The following PCDHA4 variants were observed in gnomAD, a reference collection of about 807,000 sequenced individuals.
PCDHA4 encodes protocadherin alpha 4, also known as protocadherin alpha-4.
In PCDHA4, 49 loss-of-function variants were observed where a neutral mutation model predicts 61.4. The observed-to-expected ratio is 0.80, with a 90% CI of 0.63 to 1.01. The LOEUF (loss-of-function observed/expected upper bound fraction) is 1.01. Among genes scored for constraint, PCDHA4 ranks in the 50% least tolerant of loss-of-function variants. PCDHA4 has a pLI of 0.00. For synonymous variants in PCDHA4, 590 were observed against 550.3 expected, an observed-to-expected ratio of 1.07 and a Z score of -1.01; for missense variants, 1,254 against 1,235.8, an observed-to-expected ratio of 1.01 and a Z score of -0.22.
chr5:140,829,430 G>C (rs2150167719), intron 1 of PCDHA4: 5 of 1,614,092 alleles, frequency 3.1e-6, no homozygotes, highest in South Asian at 1.1e-5. Flanking sequence ...GGAGGTGGCC[G>C]ACATGAATGA....
intron 1 of PCDHA4, among the ~76,000 whole-genome samples, chr5:140,935,149 T>C (rs1241997966): frequency 6.6e-6 from 1 of 152,192 alleles, no homozygotes; most frequent in Admixed American, 6.5e-5. Context: ...CTTAGAGATA[T>C]AATCTCAACA....
At chr5:140,810,005 T>G (rs1764586388) in intron 1 of PCDHA4, 1 of 155,840 alleles carries the variant, frequency 6.4e-6, no homozygotes, top group Non-Finnish European at 1.4e-5. Flanking sequence ...ACTTCCCTTA[T>G]TTTTCCTCCA....
intron 1 of PCDHA4, chr5:140,871,513 C>T (rs1554165693): frequency 6.4e-7 from 1 of 1,574,300 alleles, no homozygotes; most frequent in South Asian, 1.2e-5. Context: ...TCTACAGATT[C>T]CACCTATCAG....
At chr5:141,005,574 T>C (rs567844252) in intron 3 of PCDHA4, among the ~76,000 whole-genome samples, 58 of 150,842 alleles carry the variant, frequency 3.8e-4, no homozygotes, top group Non-Finnish European at 7.5e-4. Flanking sequence ...TGGTGGCGCG[T>C]GCCTGTAGTC....
chr5:141,002,873 G>C (rs780574639), intron 3 of PCDHA4, among the ~76,000 whole-genome samples: 44 of 152,148 alleles, frequency 2.9e-4, no homozygotes, highest in Admixed American at 2.6e-4. Context: ...AAGTCCTCAA[G>C]AACAGAAAGA....
At chr5:140,906,807 A>G (rs2072952420) in intron 1 of PCDHA4, among the ~76,000 whole-genome samples, 1 of 152,004 alleles carries the variant, frequency 6.6e-6, no homozygotes, top group African/African-American at 2.4e-5. Flanking sequence ...ACTCTTCCTT[A>G]CCTCCACTGT....
At chr5:140,852,612 C>A (rs1177069451) in intron 1 of PCDHA4, 1 of 914,612 alleles carries the variant, frequency 1.1e-6, no homozygotes, top group Non-Finnish European at 1.3e-6. Flanking sequence ...TCTTTCAAAA[C>A]TTGAGTGGTC....
chr5:140,884,334 C>T (rs1405987385), intron 1 of PCDHA4: 1 of 1,613,746 alleles, frequency 6.2e-7, no homozygotes, highest in Non-Finnish European at 8.5e-7. Context: ...GCTGTGGGTC[C>T]AGAAGCGGCG....
At chr5:140,884,066 G>A in intron 1 of PCDHA4, 1 of 1,613,512 alleles carries the variant, frequency 6.2e-7, no homozygotes, top group South Asian at 1.1e-5. Flanking sequence ...GGTGGACGCC[G>A]ATTCGGGCTA....
At chr5:140,971,884 C>A (rs1216931622) in intron 1 of PCDHA4, among the ~76,000 whole-genome samples, 1 of 151,602 alleles carries the variant, frequency 6.6e-6, no homozygotes, top group Admixed American at 6.6e-5. Flanking sequence ...AGGAAATAAG[C>A]TCAGGGAGGT....
chr5:140,892,509 A>G (rs2063553980), intron 1 of PCDHA4, among the ~76,000 whole-genome samples: 1 of 152,220 alleles, frequency 6.6e-6, no homozygotes, highest in Admixed American at 6.5e-5. Context: ...AAGAAGTTCC[A>G]CCATGACTGG....
chr5:140,810,067 G>A (rs1354949194), intron 1 of PCDHA4: 2 of 153,726 alleles, frequency 1.3e-5, no homozygotes, highest in African/African-American at 4.8e-5. Flanking sequence ...CCTGTTTTGG[G>A]AACGTTATCT....
chr5:140,991,482 G>A (rs781952323), intron 3 of PCDHA4, among the ~76,000 whole-genome samples: 3 of 152,204 alleles, frequency 2.0e-5, no homozygotes, highest in Non-Finnish European at 4.4e-5. Flanking sequence ...CTGGAAGTCA[G>A]AAGTCCACAG....
At chr5:141,006,085 C>T (rs1588120524) in intron 3 of PCDHA4, among the ~76,000 whole-genome samples, 1 of 148,094 alleles carries the variant, frequency 6.8e-6, no homozygotes, top group African/African-American at 2.5e-5. Context: ...ATTGAAGGGA[C>T]TTATGTATCA....
Position 141,009,783 on chromosome 5 carries a change from G to C in PCDHA4, c.2690G>C (p.Arg897Pro). The part of the protein sequence containing the change: ...IPGSPAIISI[R>P]QEPTNSQIDK... The stretch of plus-strand genomic sequence containing the variant: ...GGATCTCCTGCAATCATCTCCATCC[G>C]GCAGGAGCCTACTAACAGCCAAATT... Residue 897 changes from arginine (R) to proline (P), a missense_variant, in exon 4 of 4, where the codon CGG (arginine) becomes CCG (proline). Arg to Pro is a moderately radical substitution (Grantham distance 103). Coordinates refer to ENST00000530339, the MANE Select transcript of PCDHA4 (RefSeq NM_018907.4). 2 of 1,614,000 alleles carry C rather than the reference G, an allele frequency of 1.2e-6. No homozygotes were observed. The highest frequency in any genetic ancestry group is 1.7e-6 in the Non-Finnish European group (2 of 1,180,008).
At chr5:140,823,308 G>C in intron 1 of PCDHA4, 1 of 1,612,318 alleles carries the variant, frequency 6.2e-7, no homozygotes, top group Non-Finnish European at 8.5e-7. Context: ...CGGTGCACGC[G>C]GAGAGCGGCA....
chr5:140,999,934 T>C (rs1236304987), intron 3 of PCDHA4, among the ~76,000 whole-genome samples: 1 of 152,068 alleles, frequency 6.6e-6, no homozygotes, highest in Non-Finnish European at 1.5e-5. Context: ...GCTCAACTCA[T>C]TCCACCCAAA....
At chr5:140,894,841 T>C in intron 1 of PCDHA4, among the ~76,000 whole-genome samples, 1 of 152,184 alleles carries the variant, frequency 6.6e-6, no homozygotes, top group East Asian at 1.9e-4. Context: ...TTTCTTATGC[T>C]CATTTTTATA....
chr5:140,896,276 G>A (rs1368035002), intron 1 of PCDHA4, among the ~76,000 whole-genome samples: 1 of 152,176 alleles, frequency 6.6e-6, no homozygotes, highest in Non-Finnish European at 1.5e-5. Context: ...GGATTTGCTG[G>A]CTTGAATGGT....
Sources: gnomAD v4.1 joint callset for allele counts (sites outside exome capture counted in the v4.1 genomes callset) on GRCh38, gnomAD v4.1.1 for gene constraint, MANE v1.5 for transcripts, NCBI Gene and HGNC (gene_info 2026-07-23, HGNC 2026-07-21) for gene names.